PTBP2: variants seen among roughly 807,000 people sequenced by gnomAD.
PTBP2 encodes the protein polypyrimidine tract-binding protein 2.
PTBP2 carries 13 observed loss-of-function variants against 61.4 expected under a neutral mutation model. That is an observed-to-expected ratio of 0.21 (90% CI 0.14 to 0.34). The LOEUF is 0.34. PTBP2 is among the 10% of genes least tolerant of loss of function. The pLI is 1.00. For synonymous variants in PTBP2, 215 were observed against 218.5 expected, an observed-to-expected ratio of 0.98 and a Z score of 0.14; for missense variants, 405 against 642.6, an observed-to-expected ratio of 0.63 and a Z score of 4.00.
At chr1:96,772,181 A>G (rs1657459186) in intron 5 of PTBP2, among the ~76,000 whole-genome samples, 1 of 151,488 alleles carries the variant, frequency 6.6e-6, no homozygotes, top group African/African-American at 2.4e-5. Context: ...GGTTCCCACA[A>G]CCCCCTTTTT....
chr1:96,808,055 A>G (rs1661670115), intron 11 of PTBP2, among the ~76,000 whole-genome samples: 1 of 151,888 alleles, frequency 6.6e-6, no homozygotes, highest in Non-Finnish European at 1.5e-5. Flanking sequence ...TTTTTCCCTA[A>G]TTGTTTGAGG....
chr1:96,818,711 T>A (rs1490455852), downstream of PTBP2: 2 of 152,124 alleles, frequency 1.3e-5, no homozygotes, highest in African/African-American at 4.8e-5. Flanking sequence ...TCAAAGTTTT[T>A]TCCTGAGTGT....
chr1:96,771,791 C>T (rs1657411973), intron 5 of PTBP2, among the ~76,000 whole-genome samples: 1 of 151,954 alleles, frequency 6.6e-6, no homozygotes. Flanking sequence ...TGTTTTAATA[C>T]ATATATATTA....
intron 5 of PTBP2, among the ~76,000 whole-genome samples, chr1:96,774,261 TC>T (rs1452561144): frequency 7.9e-5 from 12 of 152,148 alleles, no homozygotes; most frequent in Non-Finnish European, 1.5e-4. Context: ...GACTTTCTGT[TC>T]GTCTGTTTTT....
intron 3 of PTBP2, among the ~76,000 whole-genome samples, chr1:96,757,010 G>A (rs1449421145): frequency 1.3e-5 from 2 of 152,084 alleles, no homozygotes; most frequent in Non-Finnish European, 2.9e-5. Context: ...TAAAGGGGAG[G>A]CTATTTGGGG....
At chr1:96,762,582 C>T (rs1419327193) in intron 3 of PTBP2, among the ~76,000 whole-genome samples, 7 of 148,184 alleles carry the variant, frequency 4.7e-5, no homozygotes, top group Non-Finnish European at 1.1e-4. Context: ...GGCGGCTGGC[C>T]GGGCAGAGGG....
intron 8 of PTBP2, among the ~76,000 whole-genome samples, chr1:96,802,671 C>A (rs939006626): frequency 6.6e-6 from 1 of 152,120 alleles, no homozygotes; most frequent in Non-Finnish European, 1.5e-5. Flanking sequence ...TGGTACTGAA[C>A]TTCTTCTGCA....
At chr1:96,757,003 A>C (rs1655233568) in intron 3 of PTBP2, among the ~76,000 whole-genome samples, 1 of 152,142 alleles carries the variant, frequency 6.6e-6, no homozygotes, top group African/African-American at 2.4e-5. Context: ...ATGTTGATAA[A>C]GGGGAGGCTA....
At chr1:96,785,006 C>T (rs1659069743) in intron 7 of PTBP2, 53 bp from the exon 8 acceptor site, 2 of 1,321,702 alleles carry the variant, frequency 1.5e-6, no homozygotes, top group South Asian at 3.0e-5. Context: ...TATACTTTCA[C>T]TAATTTTTAT....
chr1:96,810,933 CAA>C (rs1240402423), intron 11 of PTBP2, among the ~76,000 whole-genome samples: 2 of 152,040 alleles, frequency 1.3e-5, no homozygotes, highest in Non-Finnish European at 2.9e-5. Context: ...GTGTGAGAAA[CAA>C]ATGAGAAAAT....
At chr1:96,766,232 G>A (rs1355003816) in intron 3 of PTBP2, among the ~76,000 whole-genome samples, 1 of 152,184 alleles carries the variant, frequency 6.6e-6, no homozygotes, top group Non-Finnish European at 1.5e-5. Flanking sequence ...TCTTCCCTAA[G>A]CAAGAGGCTT....
rs373815292 is a variant in PTBP2 at position 96,799,294 on chromosome 1, CTTTT to C, written c.905-5490_905-5487del. ...ATAGCAATCCTCAGAATAGATCAAG[CTTTT>C]TTTTTTTTTTTTTTTGAGATGGAGT... On this transcript the variant is annotated intron_variant, in intron 8 of 13. Coordinates refer to ENST00000674951, the MANE Select transcript of PTBP2 (RefSeq NM_021190.4). Among the ~76,000 whole-genome samples the C allele has an allele frequency of 5.0e-4, 46 of 92,198 alleles. 1 individual carries two copies. Among genetic ancestry groups the C allele is most frequent in the Admixed American group, 7.5e-4 (6 of 7,982 alleles). The allele number at this position is 92,198 out of a possible 152,430, so 60.5% of individuals were successfully genotyped here. A position where few individuals can be genotyped will look rare whatever the true frequency, so the allele number is the denominator to read the frequency against.
At chr1:96,800,026 G>A (rs951746023) in intron 8 of PTBP2, among the ~76,000 whole-genome samples, 4 of 152,166 alleles carry the variant, frequency 2.6e-5, no homozygotes, top group South Asian at 2.1e-4. Context: ...GTTATCAGCC[G>A]CGGGGAGGAA....
At chr1:96,728,791 A>G (rs1302673274) in intron 2 of PTBP2, among the ~76,000 whole-genome samples, 1 of 144,700 alleles carries the variant, frequency 6.9e-6, no homozygotes, top group Admixed American at 7.0e-5. Flanking sequence ...TGATGTCTCT[A>G]TTAGGTCTTT....
chr1:96,767,229 A>G (rs1268856033), intron 3 of PTBP2, among the ~76,000 whole-genome samples: 1 of 152,100 alleles, frequency 6.6e-6, no homozygotes, highest in African/African-American at 2.4e-5. Flanking sequence ...AAAACATCCA[A>G]CACAAATCCA....
chr1:96,734,049 A>G (rs1651805954), intron 2 of PTBP2, among the ~76,000 whole-genome samples: 1 of 152,204 alleles, frequency 6.6e-6, no homozygotes, highest in South Asian at 2.1e-4. Flanking sequence ...TAAGGTGGTT[A>G]AGTGATATTT....
At position 96,813,423 on chromosome 1, in the gene PTBP2, T is replaced by C. The variant is rs747079388; in HGVS notation, c.*18T>C. On this transcript the variant is annotated 3_prime_UTR_variant, in exon 14 of 14. Transcript: ENST00000674951. ...CAATTTAAAAATGGGAAGATGAAGATTGGGGGTGAATCACATTGTTCAATG... is the reference window on the plus strand; with the variant it reads ...CAATTTAAAAATGGGAAGATGAAGACTGGGGGTGAATCACATTGTTCAATG... The C allele has an allele frequency of 3.2e-6, 5 of 1,567,972 alleles. No homozygotes were observed. Among genetic ancestry groups the C allele is most frequent in the Middle Eastern group, 1.7e-4 (1 of 5,880 alleles).
At chr1:96,815,594 GGTTT>G (rs1451903828), downstream of PTBP2, 2 of 151,904 alleles carry the variant, frequency 1.3e-5, no homozygotes, top group Non-Finnish European at 2.9e-5. Context: ...ATGTTTCTTA[GGTTT>G]GTTCTGTTAT....
At chr1:96,747,875 G>A (rs1335282026) in intron 2 of PTBP2, among the ~76,000 whole-genome samples, 1 of 151,544 alleles carries the variant, frequency 6.6e-6, no homozygotes, top group Non-Finnish European at 1.5e-5. Context: ...CTGTATTTGT[G>A]TATTTCATTG....
Sources: allele counts gnomAD v4.1 joint callset (sites outside exome capture counted in the v4.1 genomes callset), GRCh38; gene constraint gnomAD v4.1.1; transcripts MANE v1.5; gene names NCBI Gene and HGNC (gene_info 2026-07-23, HGNC 2026-07-21).